Variants in LAMA2 observed in about 807,000 individuals in gnomAD.
The protein encoded by LAMA2 is laminin subunit alpha 2, also known as laminin subunit alpha-2.
LAMA2 carries 269 observed loss-of-function variants against 364.8 expected under a neutral mutation model. That is an observed-to-expected ratio of 0.74 (90% CI 0.67 to 0.82). The LOEUF (loss-of-function observed/expected upper bound fraction) is 0.82. LAMA2 is among the 40% of genes least tolerant of loss of function. The pLI is 0.00. For synonymous variants in LAMA2, 1,379 were observed against 1,370.6 expected, an observed-to-expected ratio of 1.01 and a Z score of -0.14; for missense variants, 3,807 against 3,873.2, an observed-to-expected ratio of 0.98 and a Z score of 0.45.
Position 129,260,673 on chromosome 6 carries a change from C to A in LAMA2, c.2097-38C>A, listed in dbSNP as rs778619361. The A allele has an allele frequency of 2.4e-6, 3 of 1,255,966 alleles. No individual in the cohort carries two copies. In the South Asian group the frequency reaches 3.6e-5, roughly 15 times the overall value. The allele number at this position is 1,255,966 out of a possible 1,614,324, so 77.8% of individuals were successfully genotyped here. On this transcript the variant is annotated intron_variant, in intron 14 of 64. Transcript: ENST00000421865. ...CCTACAGCTGTATAATACCTAAGAA[C>A]TTTACTTATTCACCATCTCTTTTTT... is the stretch of plus-strand genomic sequence containing the variant.
chr6:129,200,987 A>G (rs956670647), intron 12 of LAMA2, among the ~76,000 whole-genome samples: 5 of 152,320 alleles, frequency 3.3e-5, no homozygotes, highest in Non-Finnish European at 7.3e-5. Flanking sequence ...TATAAAGACA[A>G]CACATTGAGA....
intron 37 of LAMA2, among the ~76,000 whole-genome samples, chr6:129,397,036 C>T (rs1198883887): frequency 1.3e-5 from 2 of 150,374 alleles, no homozygotes. Flanking sequence ...CAATAATAGA[C>T]AGGAAGATAG....
intron 1 of LAMA2, among the ~76,000 whole-genome samples, chr6:128,983,668 T>C (rs1783032338): frequency 6.6e-6 from 1 of 152,234 alleles, no homozygotes; most frequent in African/African-American, 2.4e-5. Flanking sequence ...AGAAATGTAC[T>C]GATGGTCCCT....
intron 1 of LAMA2, among the ~76,000 whole-genome samples, chr6:128,996,417 C>T (rs1363016198): frequency 6.6e-6 from 1 of 152,084 alleles, no homozygotes; most frequent in Non-Finnish European, 1.5e-5. Context: ...CTACAAGGAA[C>T]ATAAACAAAT....
At chr6:128,973,819 C>T (rs1365132624) in intron 1 of LAMA2, among the ~76,000 whole-genome samples, 4 of 152,066 alleles carry the variant, frequency 2.6e-5, no homozygotes, top group Non-Finnish European at 1.5e-5. Context: ...TTACCTACCC[C>T]ACAAATAAGT....
At chr6:128,946,436 C>T (rs980955948) in intron 1 of LAMA2, among the ~76,000 whole-genome samples, 2 of 152,194 alleles carry the variant, frequency 1.3e-5, no homozygotes, top group Admixed American at 1.3e-4. Flanking sequence ...CAGCTTGCTG[C>T]CCCTGCCCAG....
chr6:128,908,742 G>A (rs1777677256), intron 1 of LAMA2, among the ~76,000 whole-genome samples: 1 of 145,876 alleles, frequency 6.9e-6, no homozygotes, highest in Admixed American at 6.8e-5. Flanking sequence ...TGTCAATTTT[G>A]GATCTTTCCT....
chr6:129,515,938 TG>T (rs1342554747), intron 64 of LAMA2, among the ~76,000 whole-genome samples: 1 of 152,070 alleles, frequency 6.6e-6, no homozygotes, highest in Non-Finnish European at 1.5e-5. Flanking sequence ...CCCAGGAGGT[TG>T]AGGCTGCAGT....
intron 22 of LAMA2, among the ~76,000 whole-genome samples, chr6:129,301,904 G>T (rs953001798): frequency 9.2e-5 from 14 of 151,972 alleles, no homozygotes; most frequent in Admixed American, 2.0e-4. Context: ...TTGAGGGGGG[G>T]TTTGTTTGTT....
At chr6:128,914,596 T>G (rs1179443468) in intron 1 of LAMA2, among the ~76,000 whole-genome samples, 1 of 152,178 alleles carries the variant, frequency 6.6e-6, no homozygotes, top group Non-Finnish European at 1.5e-5. Context: ...TGCTATAGCT[T>G]TATTTTATTT....
chr6:129,462,027 C>G (rs1163037436), intron 49 of LAMA2, among the ~76,000 whole-genome samples: 1 of 151,960 alleles, frequency 6.6e-6, no homozygotes, highest in Non-Finnish European at 1.5e-5. Flanking sequence ...TTGAAATGGT[C>G]TTGACCTGAG....
chr6:129,168,305 G>T (rs1279109969), intron 9 of LAMA2, among the ~76,000 whole-genome samples: 2 of 149,510 alleles, frequency 1.3e-5, no homozygotes, highest in African/African-American at 4.9e-5. Context: ...TAGGTCTAAC[G>T]TTTAAGTCTT....
At chr6:129,377,875 T>C (rs1421491066) in intron 34 of LAMA2, among the ~76,000 whole-genome samples, 1 of 152,134 alleles carries the variant, frequency 6.6e-6, no homozygotes, top group Non-Finnish European at 1.5e-5. Context: ...AACAGCTACA[T>C]TGTTCAGAAG....
At chr6:129,257,914 T>C (rs1439529450) in intron 14 of LAMA2, among the ~76,000 whole-genome samples, 1 of 152,064 alleles carries the variant, frequency 6.6e-6, no homozygotes, top group African/African-American at 2.4e-5. Context: ...TGCCATGGAG[T>C]TTGTTAGTCA....
chr6:129,410,052 A>C (rs9492320), intron 40 of LAMA2, among the ~76,000 whole-genome samples: 76,221 of 151,968 alleles, frequency 0.5, 19,613 homozygotes, highest in African/African-American at 0.62. Context: ...CTGCCCATTT[A>C]CACTGGAAAT....
intron 8 of LAMA2, among the ~76,000 whole-genome samples, chr6:129,164,205 C>G (rs1322928143): frequency 1.3e-5 from 2 of 152,068 alleles, no homozygotes; most frequent in Non-Finnish European, 2.9e-5. Context: ...GACTAAGTGA[C>G]TAACAGGAGG....
intron 4 of LAMA2, among the ~76,000 whole-genome samples, chr6:129,134,422 A>C (rs1400396059): frequency 6.6e-6 from 1 of 152,204 alleles, no homozygotes; most frequent in Admixed American, 6.5e-5. Flanking sequence ...AATTTCATTT[A>C]TTAAGATGTT....
chr6:129,204,476 T>TG lies in LAMA2; in HGVS notation c.1782+11624dup, dbSNP rs1477387658. ...TAACGCAATATGACTGGTATCCTTA[T>TG]GAAAAAAAAAAAAAAGGACAATTTG... On this transcript the variant is annotated intron_variant, in intron 12 of 64. Transcript: ENST00000421865. Among the ~76,000 whole-genome samples the TG allele has an allele frequency of 4.7e-4, 59 of 124,558 alleles. 1 individual carries two copies. Among genetic ancestry groups the TG allele is most frequent in the African/African-American group, 1.9e-3 (55 of 29,604 alleles). The allele number at this position is 124,558 out of a possible 152,430, so 81.7% of individuals were successfully genotyped here.
At chr6:129,008,653 T>C (rs974736801) in intron 1 of LAMA2, among the ~76,000 whole-genome samples, 3 of 152,198 alleles carry the variant, frequency 2.0e-5, no homozygotes, top group Admixed American at 6.5e-5. Context: ...AAAGTAATAA[T>C]AATATTTCCA....
Sources: gnomAD v4.1 joint callset for allele counts (sites outside exome capture counted in the v4.1 genomes callset) on GRCh38, gnomAD v4.1.1 for gene constraint, MANE v1.5 for transcripts, NCBI Gene and HGNC (gene_info 2026-07-23, HGNC 2026-07-21) for gene names.